The following PDE8A variants were observed in gnomAD, a reference collection of about 807,000 sequenced individuals.
The protein encoded by PDE8A is phosphodiesterase 8A.
PDE8A carries 59 observed loss-of-function variants against 105.0 expected under a neutral mutation model. That is an observed-to-expected ratio of 0.56 (90% confidence interval 0.46 to 0.70). PDE8A has a LOEUF of 0.70. Among genes scored for constraint, PDE8A ranks in the 30% least tolerant of loss-of-function variants. The pLI is 0.00. For synonymous variants in PDE8A, 355 were observed against 371.9 expected, an observed-to-expected ratio of 0.95 and a Z score of 0.52; for missense variants, 1,014 against 1,045.9, an observed-to-expected ratio of 0.97 and a Z score of 0.42.
Position 84,982,146 on chromosome 15 carries a change from G to T in PDE8A, c.-17G>T, listed in dbSNP as rs752654113. ...ATCGCGGCTACCCGCCAGCGTGTCCGCGGCGCCGCCGCCAGCATGGGCTGT... is the reference window on the plus strand; with the variant it reads ...ATCGCGGCTACCCGCCAGCGTGTCCTCGGCGCCGCCGCCAGCATGGGCTGT... On this transcript the variant is annotated 5_prime_UTR_variant, in exon 1 of 22. Transcript: ENST00000394553. 2.2e-5 allele frequency: 29 copies of T among 1,317,002 alleles called. 1 individual carries two copies. Among genetic ancestry groups the T allele is most frequent in the Non-Finnish European group, 2.7e-5 (28 of 1,037,332 alleles). The allele number at this position is 1,317,002 out of a possible 1,614,324, so 81.6% of individuals were successfully genotyped here.
chr15:84,997,439 A>G (rs906684142), intron 1 of PDE8A, among the ~76,000 whole-genome samples: 2 of 151,996 alleles, frequency 1.3e-5, no homozygotes, highest in African/African-American at 4.8e-5. Context: ...CAAGCAATCC[A>G]CCCACTTTGG....
chr15:85,086,845 G>A (rs2081560870), intron 6 of PDE8A, among the ~76,000 whole-genome samples: 1 of 151,992 alleles, frequency 6.6e-6, no homozygotes. Flanking sequence ...TCACCTCCCA[G>A]GTTCAAGCGA....
At position 84,982,210 on chromosome 15, in the gene PDE8A, G is replaced by A. The variant is rs769218223; in HGVS notation, c.48G>A (p.Glu16=). ...ACATTTCCGAGCGCCTGGTGGCCGA[G>A]GACGCGCCTAGCCCCGCGGCACCGC... is the stretch of plus-strand genomic sequence containing the variant. The part of the protein sequence containing the change: ...SIHISERLVA[E]DAPSPAAPPL... Residue 16 remains glutamate, a synonymous_variant, in exon 1 of 22, where the codon GAG becomes GAA. Coordinates refer to ENST00000394553, the MANE Select transcript of PDE8A (RefSeq NM_002605.3). 4 of 1,485,428 alleles carry A rather than the reference G, an allele frequency of 2.7e-6. No individual in the cohort carries two copies. The highest frequency in any genetic ancestry group is 3.5e-6 in the Non-Finnish European group (4 of 1,127,214). The allele number at this position is 1,485,428 out of a possible 1,614,324, so 92.0% of individuals were successfully genotyped here.
intron 6 of PDE8A, among the ~76,000 whole-genome samples, chr15:85,084,638 A>G (rs898066459): frequency 6.6e-5 from 10 of 152,198 alleles, no homozygotes; most frequent in African/African-American, 2.4e-4. Context: ...AGCTTATTTT[A>G]TCCAATCAAG....
At chr15:85,107,102 G>A (rs2081958347) in intron 11 of PDE8A, among the ~76,000 whole-genome samples, 1 of 152,160 alleles carries the variant, frequency 6.6e-6, no homozygotes, top group Admixed American at 6.5e-5. Flanking sequence ...GGTGTGGAGA[G>A]ACTTTAAGGG....
At chr15:85,002,370 T>C (rs913819974) in intron 1 of PDE8A, among the ~76,000 whole-genome samples, 1 of 152,182 alleles carries the variant, frequency 6.6e-6, no homozygotes, top group Non-Finnish European at 1.5e-5. Context: ...AGGATACAAA[T>C]GAACAGACAG....
rs1269158412 is a variant in PDE8A, at chr15:85,007,735, T to C, written c.186+25387T>C. 3.3e-5 allele frequency among the ~76,000 whole-genome samples: 5 copies of C among 152,036 alleles called. 1 individual carries two copies. The highest frequency in any genetic ancestry group is 1.2e-4 in the African/African-American group (5 of 41,394). ...GAGGATTAAATGAGTCTCCCAATAG[T>C]GTTGAGTACATAGTAAATACTCCCA... is the stretch of plus-strand genomic sequence containing the variant. On this transcript the variant is annotated intron_variant, in intron 1 of 21. Coordinates refer to ENST00000394553, the MANE Select transcript of PDE8A (RefSeq NM_002605.3).
chr15:85,003,969 C>A (rs1289529089), intron 1 of PDE8A, among the ~76,000 whole-genome samples: 1 of 152,168 alleles, frequency 6.6e-6, no homozygotes, highest in East Asian at 1.9e-4. Context: ...GAGAAAAGAG[C>A]ATGGAGGGTC....
intron 1 of PDE8A, among the ~76,000 whole-genome samples, chr15:85,004,046 G>A (rs1260858856): frequency 1.3e-5 from 2 of 152,192 alleles, no homozygotes; most frequent in Non-Finnish European, 2.9e-5. Context: ...CTTTCCATTG[G>A]CCACATGGCC....
At chr15:85,067,794 G>A (rs538444984) in intron 3 of PDE8A, among the ~76,000 whole-genome samples, 39 of 152,258 alleles carry the variant, frequency 2.6e-4, no homozygotes, top group African/African-American at 8.9e-4. Flanking sequence ...AAAAACCGAG[G>A]TGACAAGCAA....
chr15:85,082,919 T>C (rs574497432), intron 5 of PDE8A, among the ~76,000 whole-genome samples: 12 of 152,372 alleles, frequency 7.9e-5, no homozygotes, highest in Admixed American at 2.0e-4. Context: ...ATTTCCACTA[T>C]GTAAAGGTTA....
intron 12 of PDE8A, among the ~76,000 whole-genome samples, chr15:85,111,025 A>C (rs2082013407): frequency 6.6e-6 from 1 of 152,114 alleles, no homozygotes. Context: ...CATTTGGATA[A>C]TCCTCTTCTG....
Position 85,136,517 on chromosome 15 carries a change from C to CA in PDE8A, c.2254-16dup. ...ACCAGATGTTGGGGTCTCCTGATCA[C>CA]ATTTTCTGCTTTACAGACTGATGAA... On this transcript the variant is annotated splice_polypyrimidine_tract_variant and intron_variant, in intron 20 of 21. Transcript: ENST00000394553. 6.2e-7 allele frequency: 1 copy of CA among 1,609,174 alleles called. No individual in the cohort carries two copies. The highest frequency in any genetic ancestry group is 8.5e-7 in the Non-Finnish European group (1 of 1,177,730).
chr15:85,051,601 A>G (rs1432338449), intron 1 of PDE8A, among the ~76,000 whole-genome samples: 1 of 152,048 alleles, frequency 6.6e-6, no homozygotes, highest in East Asian at 1.9e-4. Flanking sequence ...CCTATTAGCT[A>G]TTCTTCCTGA....
rs2082458745 is a variant in PDE8A, at chr15:85,138,950, T to TGTTTTTATC, written c.*1048_*1056dup. 6.6e-6 allele frequency: 1 copy of TGTTTTTATC among 152,226 alleles called. No homozygotes were observed. The highest frequency in any genetic ancestry group is 1.5e-5 in the Non-Finnish European group (1 of 68,034). 9.4% of individuals were successfully genotyped at this position (152,226 alleles called of 1,614,324 possible). A position where few individuals can be genotyped will look rare whatever the true frequency, so the allele number is the denominator to read the frequency against. ...ATGAATTGACATTTTATAACCAACCTGTTTTTATCTACGGTGGGAATCTTT... is the reference window on the plus strand; with the variant it reads ...ATGAATTGACATTTTATAACCAACCTGTTTTTATCGTTTTTATCTACGGTGGGAATCTTT... On this transcript the variant is annotated 3_prime_UTR_variant, in exon 22 of 22. Coordinates refer to ENST00000394553, the MANE Select transcript of PDE8A (RefSeq NM_002605.3).
chr15:85,022,213 T>C (rs1221747562), intron 1 of PDE8A, among the ~76,000 whole-genome samples: 3 of 152,210 alleles, frequency 2.0e-5, no homozygotes, highest in East Asian at 1.9e-4. Flanking sequence ...TCTTTTCAGC[T>C]GAGATGTACA....
chr15:84,993,315 T>C (rs545472961), intron 1 of PDE8A, among the ~76,000 whole-genome samples: 12 of 151,810 alleles, frequency 7.9e-5, no homozygotes, highest in South Asian at 2.1e-4. Context: ...TGGTGGCAGG[T>C]GCCTGTAGTC....
rs192333045 is a variant in PDE8A at position 85,135,669 on chromosome 15, A to G, written c.2254-865A>G. Among the ~76,000 whole-genome samples the G allele has an allele frequency of 7.9e-5, 12 of 152,280 alleles. No individual in the cohort carries two copies. In the East Asian group the frequency reaches 2.3e-3, roughly 29 times the overall value. ...GAATGCACTCAGGACTTCTGGCCTCATTCCCACCCCATGGACCTTACCTCA... is the reference window on the plus strand; with the variant it reads ...GAATGCACTCAGGACTTCTGGCCTCGTTCCCACCCCATGGACCTTACCTCA... On this transcript the variant is annotated intron_variant, in intron 20 of 21. Coordinates refer to ENST00000394553, the MANE Select transcript of PDE8A (RefSeq NM_002605.3).
chr15:84,998,922 G>A (rs1467157855), intron 1 of PDE8A, among the ~76,000 whole-genome samples: 1 of 152,008 alleles, frequency 6.6e-6, no homozygotes, highest in Non-Finnish European at 1.5e-5. Context: ...ACATATACTC[G>A]TTTTCAATAT....
Sources: allele counts gnomAD v4.1 joint callset (sites outside exome capture counted in the v4.1 genomes callset), GRCh38; gene constraint gnomAD v4.1.1; transcripts MANE v1.5; gene names NCBI Gene and HGNC (gene_info 2026-07-23, HGNC 2026-07-21).